The following TIMP2 variants were observed in gnomAD, a reference collection of about 807,000 sequenced individuals.
TIMP2 encodes the protein metalloproteinase inhibitor 2.
A neutral mutation model predicts 24.3 loss-of-function variants in TIMP2; 5 were observed. That is an observed-to-expected ratio of 0.21 (90% confidence interval 0.11 to 0.43). TIMP2 has a LOEUF of 0.43. Among genes scored for constraint, TIMP2 ranks in the 20% least tolerant of loss-of-function variants. The probability of loss-of-function intolerance (pLI) is 1.00; values close to 1 mark genes in which losing one functional copy is unlikely to be tolerated. For missense variants in TIMP2, 221 were observed against 297.5 expected, an observed-to-expected ratio of 0.74 and a Z score of 1.89; for synonymous variants, 130 against 123.2, an observed-to-expected ratio of 1.06 and a Z score of -0.37.
chr17:78,891,194 C>A lies in TIMP2; in HGVS notation c.131-17275G>T. ...ATTTCTAAACGTGGGCTTGACCGTGCCCTGATATTTTTGGTTCTGGGCCTT... is the reference window on the plus strand; with the variant it reads ...ATTTCTAAACGTGGGCTTGACCGTGACCTGATATTTTTGGTTCTGGGCCTT... On this transcript the variant is annotated intron_variant, in intron 1 of 4. Transcript: ENST00000262768. This position sits in a 1 kb window ranked among gnomAD's most constrained non-coding sequence, Gnocchi z 4.5. 6.4e-7 allele frequency: 1 copy of A among 1,550,686 alleles called. No individual in the cohort carries two copies. The highest frequency in any genetic ancestry group is 8.7e-7 in the Non-Finnish European group (1 of 1,147,026).
chr17:78,876,746 C>T lies in TIMP2; in HGVS notation c.131-2827G>A, dbSNP rs140321190. ...TTTAGCATGTTGGCCAGGCTGGTCTCGAACTCCTGACCTCAAGTGATCCGC... is the reference window on the plus strand; with the variant it reads ...TTTAGCATGTTGGCCAGGCTGGTCTTGAACTCCTGACCTCAAGTGATCCGC... On this transcript the variant is annotated intron_variant, in intron 1 of 4. Coordinates refer to ENST00000262768, the MANE Select transcript of TIMP2 (RefSeq NM_003255.5). Among the ~76,000 whole-genome samples, 326 of 151,408 alleles carry T rather than the reference C, an allele frequency of 2.2e-3. 6 individuals are homozygous for T. The East Asian group carries it at 0.053, about 25-fold the overall frequency.
intron 1 of TIMP2, among the ~76,000 whole-genome samples, chr17:78,889,963 C>CA (rs202230569): frequency 0.064 from 9,740 of 152,012 alleles, 384 homozygotes; most frequent in South Asian, 0.2. Context: ...ATTAAAAATA[C>CA]AAAAAATTAG....
At chr17:78,922,290 C>T (rs895987951) in intron 1 of TIMP2, 5 of 152,202 alleles carry the variant, frequency 3.3e-5, no homozygotes, top group African/African-American at 9.7e-5. Context: ...CGGGACCCTA[C>T]CCTGGGATGT....
At chr17:78,921,457 C>G (rs964103694) in intron 1 of TIMP2, among the ~76,000 whole-genome samples, 2 of 152,204 alleles carry the variant, frequency 1.3e-5, no homozygotes, top group Non-Finnish European at 2.9e-5. Context: ...CCAGAGAGCT[C>G]CTGGCTTTAC....
rs141547527 is a variant in TIMP2, at chr17:78,905,429, T to C, written c.130+19530A>G. On this transcript the variant is annotated intron_variant, in intron 1 of 4. Coordinates refer to ENST00000262768, the MANE Select transcript of TIMP2 (RefSeq NM_003255.5). ...GTTCTGTTTCTCTGGGAAACCCTAA[T>C]ACGGACCCATAGATACAAAATCTTC... Among the ~76,000 whole-genome samples the C allele has an allele frequency of 3.3e-5, 5 of 152,364 alleles. No homozygotes were observed. The East Asian group carries it at 5.8e-4, about 18-fold the overall frequency.
In TIMP2 at chr17:78,854,927, G is replaced by GGGGGGT. The variant is rs2069512384; in HGVS notation, c.*739_*740insACCCCC. The GGGGGGT allele has an allele frequency of 7.8e-6, 1 of 127,918 alleles. No individual in the cohort carries two copies. Among genetic ancestry groups the GGGGGGT allele is most frequent in the African/African-American group, 2.8e-5 (1 of 35,434 alleles). 7.9% of individuals were successfully genotyped at this position (127,918 alleles called of 1,614,324 possible). A position where few individuals can be genotyped will look rare whatever the true frequency, so the allele number is the denominator to read the frequency against. On this transcript the variant is annotated 3_prime_UTR_variant, in exon 5 of 5. Coordinates refer to ENST00000262768, the MANE Select transcript of TIMP2 (RefSeq NM_003255.5). ...AAGCTGGGGAGCATGTGGGCGGGGG[G>GGGGGGT]GGGGGGGTGGGGGGGTGGGTGCAGA...
intron 1 of TIMP2, among the ~76,000 whole-genome samples, chr17:78,917,872 G>A (rs1392049193): frequency 6.6e-6 from 1 of 152,138 alleles, no homozygotes; most frequent in Admixed American, 6.5e-5. Flanking sequence ...GGTGGAAGAG[G>A]AGAGAAAGGC....
In TIMP2 at chr17:78,925,110, G is replaced by C. The variant is rs7501652; in HGVS notation, c.-22C>G. On this transcript the variant is annotated 5_prime_UTR_variant, in exon 1 of 5. Coordinates refer to ENST00000262768, the MANE Select transcript of TIMP2 (RefSeq NM_003255.5). Reference sequence around the variant, plus strand: ...CCATGGCGGGCCGGGGGGCTGGGCGGGCGGGGGCCGCCGCTGGGGGGTCCG... The same window carrying C: ...CCATGGCGGGCCGGGGGGCTGGGCGCGCGGGGGCCGCCGCTGGGGGGTCCG... 3.3e-6 allele frequency: 3 copies of C among 903,836 alleles called. No homozygotes were observed. Among genetic ancestry groups the C allele is most frequent in the Non-Finnish European group, 4.0e-6 (3 of 757,636 alleles). 56.0% of individuals were successfully genotyped at this position (903,836 alleles called of 1,614,324 possible). A position where few individuals can be genotyped will look rare whatever the true frequency, so the allele number is the denominator to read the frequency against.
chr17:78,893,261 G>A (rs1021903359), intron 1 of TIMP2, among the ~76,000 whole-genome samples: 9 of 149,012 alleles, frequency 6.0e-5, no homozygotes, highest in African/African-American at 2.2e-4. Flanking sequence ...GTGTGTGCAG[G>A]GGTGTGTGTG....
chr17:78,923,227 G>A (rs1368388646), intron 1 of TIMP2, among the ~76,000 whole-genome samples: 2 of 152,152 alleles, frequency 1.3e-5, no homozygotes, highest in East Asian at 3.9e-4. Flanking sequence ...TGAGCATGAA[G>A]GAGGCGGGAG....
At position 78,925,275 on chromosome 17, in the gene TIMP2, G is replaced by A. The variant is rs867566718; in HGVS notation, c.-187C>T. On this transcript the variant is annotated 5_prime_UTR_variant, in exon 1 of 5. Transcript: ENST00000262768. ...TCTCTCCTCTTTGTCTCGGGGGCGC[G>A]AGGGGAGGGGCGCGGGGCGCAATTC... The A allele has an allele frequency of 6.8e-6, 1 of 147,896 alleles. No homozygotes were observed. The highest frequency in any genetic ancestry group is 2.5e-5 in the African/African-American group (1 of 40,138). 9.2% of individuals were successfully genotyped at this position (147,896 alleles called of 1,614,324 possible).
rs1046093016 is a variant in TIMP2 at position 78,924,776 on chromosome 17, G to T, written c.130+183C>A. 2.6e-5 allele frequency among the ~76,000 whole-genome samples: 4 copies of T among 152,082 alleles called. No individual in the cohort carries two copies. Among genetic ancestry groups the T allele is most frequent in the African/African-American group, 9.7e-5 (4 of 41,434 alleles). ...CAAAGAGAGGGAAAGAAAGGGAGAG[G>T]AGGGAGGGGGGAAAGAAAGTCGGCT... is the stretch of plus-strand genomic sequence containing the variant. On this transcript the variant is annotated intron_variant, in intron 1 of 4. Coordinates refer to ENST00000262768, the MANE Select transcript of TIMP2 (RefSeq NM_003255.5). The surrounding 1 kb of genome is among the most constrained non-coding windows in gnomAD (Gnocchi z 5.3).
intron 1 of TIMP2, among the ~76,000 whole-genome samples, chr17:78,914,416 G>A (rs866023224): frequency 2.0e-5 from 3 of 151,888 alleles, no homozygotes; most frequent in Non-Finnish European, 2.9e-5. Flanking sequence ...TTGAATAGCT[G>A]GGATTACAGG....
intron 1 of TIMP2, among the ~76,000 whole-genome samples, chr17:78,878,080 T>C (rs2069744506): frequency 6.6e-6 from 1 of 152,154 alleles, no homozygotes; most frequent in Non-Finnish European, 1.5e-5. Flanking sequence ...AGCATGTCAC[T>C]GGAGTTCAGA....
rs972245106 is a variant in TIMP2, at chr17:78,853,931, T to C, written c.*1736A>G. 2 of 152,310 alleles carry C rather than the reference T, an allele frequency of 1.3e-5. No individual in the cohort carries two copies. The highest frequency in any genetic ancestry group is 3.4e-3 in the Middle Eastern group (1 of 292). The allele number at this position is 152,310 out of a possible 1,614,324, so 9.4% of individuals were successfully genotyped here. Reference sequence around the variant, plus strand: ...TCACATGGACTGGTCCATTATGACATCTTACCAACTTTAGGTCACTGTACA... The same window carrying C: ...TCACATGGACTGGTCCATTATGACACCTTACCAACTTTAGGTCACTGTACA... On this transcript the variant is annotated 3_prime_UTR_variant, in exon 5 of 5. Transcript: ENST00000262768.
chr17:78,865,571 T>C (rs2069604605), intron 3 of TIMP2, among the ~76,000 whole-genome samples: 1 of 147,156 alleles, frequency 6.8e-6, no homozygotes, highest in Non-Finnish European at 1.5e-5. Context: ...TTGTGGTGAG[T>C]TGAGACCACG....
intron 1 of TIMP2, among the ~76,000 whole-genome samples, chr17:78,908,266 G>A (rs924187601): frequency 6.6e-6 from 1 of 152,134 alleles, no homozygotes; most frequent in Non-Finnish European, 1.5e-5. Flanking sequence ...TAAGCAAGAC[G>A]GAGATGAATA....
intron 1 of TIMP2, among the ~76,000 whole-genome samples, chr17:78,875,399 G>T (rs2069720108): frequency 1.3e-5 from 2 of 152,146 alleles, no homozygotes; most frequent in African/African-American, 4.8e-5. Context: ...ATATTCTGGA[G>T]CCTGAGGTTG....
rs1299003032 is a variant in TIMP2 at position 78,893,568 on chromosome 17, G to A, written c.131-19649C>T. Among the ~76,000 whole-genome samples the A allele has an allele frequency of 2.6e-5, 4 of 151,992 alleles. No homozygotes were observed. In the East Asian group the frequency reaches 5.8e-4, roughly 22 times the overall value. ...ACATGCCTGCACATCTGTGTGTACA[G>A]GGGGGTGTACAGGTGTGTGTATGTA... On this transcript the variant is annotated intron_variant, in intron 1 of 4. Coordinates refer to ENST00000262768, the MANE Select transcript of TIMP2 (RefSeq NM_003255.5).
Sources: allele counts gnomAD v4.1 joint callset (sites outside exome capture counted in the v4.1 genomes callset), GRCh38; gene constraint gnomAD v4.1.1; non-coding constraint Gnocchi (gnomAD v3.1); transcripts MANE v1.5; gene names NCBI Gene and HGNC (gene_info 2026-07-23, HGNC 2026-07-21).